MIB1: variants seen among roughly 807,000 people sequenced by gnomAD.
The protein encoded by MIB1 is MIB E3 ubiquitin protein ligase 1.
A neutral mutation model predicts 124.5 loss-of-function variants in MIB1; 278 were observed. The observed-to-expected ratio is 2.23, with a 90% CI of 2.02 to 2.47. MIB1 has a LOEUF of 2.47. Ranked by LOEUF, MIB1 falls within the 30% of genes most tolerant of loss-of-function variation. The pLI is 0.00. For missense variants in MIB1, 957 were observed against 1,254.4 expected (o/e 0.76, Z 3.58); for synonymous variants, 446 against 429.4 (o/e 1.04, Z -0.48).
Position 21,865,905 on chromosome 18 carries a change from T to TAAAAACAAGCAAA in MIB1, c.*1247_*1248insGCAAAAAAAACAA, listed in dbSNP as rs2042318209. Reference sequence around the variant, plus strand: ...GAAATGTCTGCTTACCTGTAGACTTTAAAAACAAACAAAATTTTTGGAGCA... The same window carrying TAAAAACAAGCAAA: ...GAAATGTCTGCTTACCTGTAGACTTTAAAAACAAGCAAAAAAAACAAACAAAATTTTTGGAGCA... On this transcript the variant is annotated 3_prime_UTR_variant, in exon 21 of 21. Coordinates refer to ENST00000261537, the MANE Select transcript of MIB1 (RefSeq NM_020774.4). 1 of 151,684 alleles carries TAAAAACAAGCAAA rather than the reference T, an allele frequency of 6.6e-6. No individual in the cohort carries two copies. The highest frequency in any genetic ancestry group is 1.5e-5 in the Non-Finnish European group (1 of 67,974). 9.4% of individuals were successfully genotyped at this position (151,684 alleles called of 1,614,324 possible).
At position 21,870,913 on chromosome 18, in the gene MIB1, A is replaced by T. The variant is rs1412498294; in HGVS notation, c.*6247A>T. ...ATTTCATGGCAATATTTTTTACTAA[A>T]TTGAAACTATAGGTTTTAAAAATAA... On this transcript the variant is annotated 3_prime_UTR_variant, in exon 21 of 21. Coordinates refer to ENST00000261537, the MANE Select transcript of MIB1 (RefSeq NM_020774.4). 2 of 152,184 alleles carry T rather than the reference A, an allele frequency of 1.3e-5. No individual in the cohort carries two copies. The highest frequency in any genetic ancestry group is 3.8e-4 in the East Asian group (2 of 5,202). The allele number at this position is 152,184 out of a possible 1,614,324, so 9.4% of individuals were successfully genotyped here.
intron 5 of MIB1, 28 bp downstream of exon 5, chr18:21,778,197 T>C: frequency 6.9e-7 from 1 of 1,442,926 alleles, no homozygotes; most frequent in Non-Finnish European, 9.7e-7. Flanking sequence ...AGAGTATTAC[T>C]AAATAATGGG....
intron 4 of MIB1, among the ~76,000 whole-genome samples, chr18:21,776,860 C>T (rs564562777): frequency 6.6e-6 from 1 of 151,878 alleles, no homozygotes; most frequent in African/African-American, 2.4e-5. Flanking sequence ...GCCTGTATTC[C>T]CAGCTACTGG....
chr18:21,738,800 C>A, upstream of MIB1, among the ~76,000 whole-genome samples: 1 of 54,708 alleles, frequency 1.8e-5, no homozygotes, highest in Non-Finnish European at 3.6e-5. Flanking sequence ...AAGTGAGACT[C>A]CATCTCAAAA....
chr18:21,848,921 A>G (rs1232723450), intron 16 of MIB1, among the ~76,000 whole-genome samples: 1 of 151,712 alleles, frequency 6.6e-6, no homozygotes. Context: ...TTTTTTTTTA[A>G]TTGCTGTTTT....
Position 21,741,529 on chromosome 18 carries a change from GGCGGCA to G in MIB1, c.-49_-44del. On this transcript the variant is annotated 5_prime_UTR_variant, in exon 1 of 21. Transcript: ENST00000261537. The surrounding 1 kb of genome is among the most constrained non-coding windows in gnomAD (Gnocchi z 5.4). ...GGCCCAACTCCCTCACGGGCCCCCC[GGCGGCA>G]GCGGCGGCGGCGGCGGCGGCAGCGG... The G allele has an allele frequency of 4.2e-6, 5 of 1,181,042 alleles. No individual in the cohort carries two copies. The South Asian group carries it at 7.8e-5, about 18-fold the overall frequency. The allele number at this position is 1,181,042 out of a possible 1,614,324, so 73.2% of individuals were successfully genotyped here.
chr18:21,809,374 A>G (rs1379262653), intron 10 of MIB1, among the ~76,000 whole-genome samples: 1 of 152,108 alleles, frequency 6.6e-6, no homozygotes, highest in Non-Finnish European at 1.5e-5. Flanking sequence ...TTTTCCAACA[A>G]ATTAGAGAGG....
At chr18:21,808,128 T>C (rs1243457067) in intron 10 of MIB1, among the ~76,000 whole-genome samples, 1 of 152,236 alleles carries the variant, frequency 6.6e-6, no homozygotes, top group Admixed American at 6.5e-5. Context: ...ATGGTAATAA[T>C]TGATTTTTTA....
intron 8 of MIB1, 32 bp downstream of exon 8, chr18:21,798,260 A>G (rs375808367): frequency 1.2e-6 from 2 of 1,607,336 alleles, no homozygotes; most frequent in South Asian, 2.2e-5. Flanking sequence ...TTTAAGAGTA[A>G]TGTGGTTTAC....
chr18:21,765,676 T>A, intron 1 of MIB1, 96 bp from the exon 2 acceptor site: 4 of 1,183,076 alleles, frequency 3.4e-6, no homozygotes. Context: ...TAGAATATCT[T>A]GTAAAATGTT....
rs750641993 is a variant in MIB1, at chr18:21,843,208, G to C, written c.2040G>C (p.Gln680His). 1 of 1,583,378 alleles carries C rather than the reference G, an allele frequency of 6.3e-7. No individual in the cohort carries two copies. The highest frequency in any genetic ancestry group is 8.6e-7 in the Non-Finnish European group (1 of 1,168,036). ...TTGCTGTTGAACGACAGCATACCCA[G>C]ATTGTTAGGGTAAAGTATTGACATA... ...LHLAVERQHT[Q>H]IVRLLVRAGA... is the part of the protein sequence containing the mutation. The change falls in exon 14 of 21, where the codon CAG becomes CAC. Residue 680 changes from glutamine to histidine, a missense_variant. Coordinates refer to ENST00000261537, the MANE Select transcript of MIB1 (RefSeq NM_020774.4).
intron 17 of MIB1, among the ~76,000 whole-genome samples, chr18:21,852,662 T>C (rs1380893438): frequency 6.6e-6 from 1 of 152,218 alleles, no homozygotes; most frequent in Non-Finnish European, 1.5e-5. Flanking sequence ...AAGGGCACTT[T>C]AAGGTAGAGT....
chr18:21,782,642 A>C (rs1247756339), intron 6 of MIB1, among the ~76,000 whole-genome samples: 1 of 152,150 alleles, frequency 6.6e-6, no homozygotes, highest in Non-Finnish European at 1.5e-5. Flanking sequence ...ACTTTATACC[A>C]TTTCAACTTT....
chr18:21,860,331 C>T (rs1293262011), intron 20 of MIB1, among the ~76,000 whole-genome samples: 2 of 137,362 alleles, frequency 1.5e-5, no homozygotes, highest in Non-Finnish European at 3.2e-5. Context: ...GAACTTCTGG[C>T]CTCAAGGGAT....
chr18:21,815,807 T>G lies in MIB1; in HGVS notation c.1671T>G (p.Ser557Arg). ...TATTGGACTTTGGCTGTCATCCCAG[T>G]CTCCAGGTAAAACCTTTAAAGAAAC... Reference protein sequence around the residue: ...KTLLDFGCHPSLQDSEGDTPL... With the variant: ...KTLLDFGCHPRLQDSEGDTPL... The change falls in exon 11 of 21, where the codon AGT becomes AGG. Residue 557 changes from serine to arginine, a missense_variant. By Grantham distance (110) the Ser-to-Arg change is moderately radical. Coordinates refer to ENST00000261537, the MANE Select transcript of MIB1 (RefSeq NM_020774.4). 1 of 1,613,982 alleles carries G rather than the reference T, an allele frequency of 6.2e-7. No individual in the cohort carries two copies. The highest frequency in any genetic ancestry group is 8.5e-7 in the Non-Finnish European group (1 of 1,179,880).
At chr18:21,837,007 C>T (rs1026871324) in intron 12 of MIB1, among the ~76,000 whole-genome samples, 1 of 152,002 alleles carries the variant, frequency 6.6e-6, no homozygotes, top group East Asian at 1.9e-4. Flanking sequence ...TCTATGAAGC[C>T]CATGAATGGG....
chr18:21,801,151 T>A (rs2041646923), intron 9 of MIB1, among the ~76,000 whole-genome samples: 1 of 152,116 alleles, frequency 6.6e-6, no homozygotes, highest in Admixed American at 6.6e-5. Context: ...ATAGCCTTCA[T>A]ATTTACCTCT....
At chr18:21,708,255 T>C (rs1164286958) in intron 1 of MIB1, among the ~76,000 whole-genome samples, 4 of 152,186 alleles carry the variant, frequency 2.6e-5, no homozygotes, top group Non-Finnish European at 4.4e-5. Context: ...GGCAAATCAT[T>C]TACTCTTTGG....
chr18:21,846,943 G>C lies in MIB1; in HGVS notation c.2212-1G>C, dbSNP rs1328244705. 6.2e-7 allele frequency: 1 copy of C among 1,612,190 alleles called. No individual in the cohort carries two copies. Among genetic ancestry groups the C allele is most frequent in the African/African-American group, 1.3e-5 (1 of 74,792 alleles). ...AATCATGACTCTTTATTTTATTGCA[G>C]TTAATAATGGGACTTGGTACCCAGG... On this transcript the variant is annotated splice_acceptor_variant, in intron 15 of 20. Transcript: ENST00000261537. LOFTEE classifies it high-confidence loss of function.
Sources: gnomAD v4.1 joint callset for allele counts (sites outside exome capture counted in the v4.1 genomes callset) on GRCh38, gnomAD v4.1.1 for gene constraint, Gnocchi (gnomAD v3.1) non-coding constraint, MANE v1.5 for transcripts, NCBI Gene and HGNC (gene_info 2026-07-23, HGNC 2026-07-21) for gene names.